Variants in REV3L observed in about 807,000 individuals in gnomAD.
REV3L encodes the protein REV3 like, DNA directed polymerase zeta catalytic subunit.
REV3L carries 69 observed loss-of-function variants against 299.4 expected under a neutral mutation model. The observed-to-expected ratio is 0.23, with a 90% confidence interval of 0.19 to 0.28. The LOEUF is 0.28. Ranked by LOEUF, REV3L falls within the 10% of genes least tolerant of loss-of-function variation. REV3L has a pLI of 1.00. For missense variants in REV3L, 3,128 were observed against 3,693.8 expected (o/e 0.85, Z 3.97); for synonymous variants, 1,238 against 1,271.4 (o/e 0.97, Z 0.56).
At chr6:111,355,162 T>G (rs919613220) in intron 18 of REV3L, among the ~76,000 whole-genome samples, 1 of 152,134 alleles carries the variant, frequency 6.6e-6, no homozygotes, top group African/African-American at 2.4e-5. Flanking sequence ...ATATTACTTT[T>G]CGTGTTTGTC....
chr6:111,304,651 G>A (rs1481053982), intron 31 of REV3L, among the ~76,000 whole-genome samples: 2 of 147,902 alleles, frequency 1.4e-5, no homozygotes, highest in South Asian at 2.1e-4. Context: ...TATACATGTA[G>A]GTTTGTTACA....
chr6:111,393,178 G>A (rs1055450335), intron 4 of REV3L, among the ~76,000 whole-genome samples: 5 of 151,760 alleles, frequency 3.3e-5, no homozygotes, highest in Admixed American at 6.6e-5. Flanking sequence ...GCCTCCAAGC[G>A]CAGCAAATTT....
rs185593594 is a variant in REV3L, at chr6:111,379,881, A to T, written c.1454+101T>A. 7.4e-5 allele frequency: 57 copies of T among 771,750 alleles called. No individual in the cohort carries two copies. The East Asian group carries it at 1.3e-3, about 18-fold the overall frequency. 47.8% of individuals were successfully genotyped at this position (771,750 alleles called of 1,614,324 possible). Reference sequence around the variant, plus strand: ...GAATTTTAAAACATCAATTTAGTTCATAAGGTATTTTATATCATGAACAAT... The same window carrying T: ...GAATTTTAAAACATCAATTTAGTTCTTAAGGTATTTTATATCATGAACAAT... On this transcript the variant is annotated intron_variant, in intron 11 of 31. Coordinates refer to ENST00000368802, the MANE Select transcript of REV3L (RefSeq NM_001372078.1).
chr6:111,317,905 TAA>T (rs1773706200), intron 26 of REV3L, among the ~76,000 whole-genome samples: 1 of 152,210 alleles, frequency 6.6e-6, no homozygotes, highest in South Asian at 2.1e-4. Flanking sequence ...GGTGTCAGAA[TAA>T]CAGCAACTGG....
chr6:111,483,110 C>A lies in REV3L; in HGVS notation c.-222G>T, dbSNP rs1793975339. The A allele has an allele frequency of 3.8e-6, 2 of 519,696 alleles. No individual in the cohort carries two copies. Among genetic ancestry groups the A allele is most frequent in the Admixed American group, 4.3e-5 (1 of 23,058 alleles). 32.2% of individuals were successfully genotyped at this position (519,696 alleles called of 1,614,324 possible). On this transcript the variant is annotated 5_prime_UTR_variant, in exon 1 of 32. It adds an upstream start codon to the 5' untranslated region. Transcript: ENST00000368802. ...GGCAAGGGGCCGCAGGAGAGAAGCC[C>A]TCGAGCTTTCGTCGGTGCTGGTGCT...
chr6:111,441,896 A>T (rs1457936810), intron 1 of REV3L, among the ~76,000 whole-genome samples: 2 of 152,180 alleles, frequency 1.3e-5, no homozygotes, highest in African/African-American at 4.8e-5. Context: ...TATGGGGAGA[A>T]GATAAAGTGT....
At chr6:111,481,942 C>A (rs997292216) in intron 1 of REV3L, among the ~76,000 whole-genome samples, 15 of 152,096 alleles carry the variant, frequency 9.9e-5, no homozygotes, top group African/African-American at 2.9e-4. Flanking sequence ...ATCCTACAGC[C>A]CAGCCTAGGA....
intron 21 of REV3L, among the ~76,000 whole-genome samples, chr6:111,343,581 G>A: frequency 6.6e-6 from 1 of 152,196 alleles, no homozygotes; most frequent in East Asian, 1.9e-4. Flanking sequence ...CCAGGCTGGA[G>A]TGCAGTGGCA....
At chr6:111,379,649 A>G (rs927356915) in intron 11 of REV3L, among the ~76,000 whole-genome samples, 8 of 152,346 alleles carry the variant, frequency 5.3e-5, no homozygotes, top group African/African-American at 1.2e-4. Flanking sequence ...GATACCCAAC[A>G]GTTCAACTAT....
At chr6:111,451,074 A>G (rs997788518) in intron 1 of REV3L, among the ~76,000 whole-genome samples, 2 of 152,212 alleles carry the variant, frequency 1.3e-5, no homozygotes, top group Admixed American at 1.3e-4. Flanking sequence ...GTGTAAGTGG[A>G]TGCCATGGGT....
At chr6:111,437,832 T>C (rs562206806) in intron 1 of REV3L, among the ~76,000 whole-genome samples, 1 of 152,038 alleles carries the variant, frequency 6.6e-6, no homozygotes, top group South Asian at 2.1e-4. Flanking sequence ...ATGTATAGTA[T>C]GTGAACTACA....
intron 21 of REV3L, among the ~76,000 whole-genome samples, chr6:111,341,206 C>T (rs915917866): frequency 1.3e-5 from 2 of 151,906 alleles, no homozygotes; most frequent in African/African-American, 4.8e-5. Context: ...ACCACCATGC[C>T]CGGCTAATTT....
chr6:111,391,491 T>G (rs1781924457), intron 5 of REV3L, among the ~76,000 whole-genome samples: 1 of 152,238 alleles, frequency 6.6e-6, no homozygotes, highest in Non-Finnish European at 1.5e-5. Flanking sequence ...TTTTCACAAC[T>G]CAAATAATAT....
chr6:111,302,747 C>T (rs1771717560), intron 31 of REV3L, among the ~76,000 whole-genome samples: 1 of 152,136 alleles, frequency 6.6e-6, no homozygotes, highest in South Asian at 2.1e-4. Context: ...ACTAAAAATA[C>T]GAAAATTAGC....
intron 1 of REV3L, among the ~76,000 whole-genome samples, chr6:111,425,027 A>G (rs1000056808): frequency 2.6e-5 from 4 of 152,162 alleles, no homozygotes; most frequent in Non-Finnish European, 4.4e-5. Flanking sequence ...TAAGAAGACT[A>G]ATATTTTGCC....
At chr6:111,454,934 G>A (rs1789996689) in intron 1 of REV3L, among the ~76,000 whole-genome samples, 1 of 152,110 alleles carries the variant, frequency 6.6e-6, no homozygotes, top group African/African-American at 2.4e-5. Context: ...CCAAAGTGTT[G>A]GGATTACAGG....
chr6:111,447,562 G>C (rs1789002945), intron 1 of REV3L, among the ~76,000 whole-genome samples: 1 of 152,094 alleles, frequency 6.6e-6, no homozygotes, highest in South Asian at 2.1e-4. Context: ...TTTACGTCAG[G>C]GGTTGGCATA....
intron 1 of REV3L, among the ~76,000 whole-genome samples, chr6:111,421,004 T>G (rs935093607): frequency 6.6e-6 from 1 of 152,054 alleles, no homozygotes; most frequent in Non-Finnish European, 1.5e-5. Context: ...GCCAGGTGCC[T>G]GTAGTCCCAG....
At chr6:111,365,549 TTA>T (rs1364352417) in intron 14 of REV3L, among the ~76,000 whole-genome samples, 3 of 152,164 alleles carry the variant, frequency 2.0e-5, no homozygotes, top group Non-Finnish European at 4.4e-5. Flanking sequence ...TTTTAAATGT[TTA>T]TGTTTTAATT....
Sources: gnomAD v4.1 joint callset for allele counts (sites outside exome capture counted in the v4.1 genomes callset) on GRCh38, gnomAD v4.1.1 for gene constraint, MANE v1.5 for transcripts, NCBI Gene and HGNC (gene_info 2026-07-23, HGNC 2026-07-21) for gene names.